The following CDH23 variants were observed in gnomAD, a reference collection of about 807,000 sequenced individuals.
CDH23 encodes the protein cadherin-23.
A neutral mutation model predicts 317.1 loss-of-function variants in CDH23; 189 were observed. The ratio of observed to expected loss-of-function variants is 0.60; its 90% CI spans 0.53 to 0.67. The LOEUF (loss-of-function observed/expected upper bound fraction) is 0.67. CDH23 is among the 30% of genes least tolerant of loss of function. The pLI is 0.00. For missense variants in CDH23, 4,401 were observed against 4,592.4 expected, an observed-to-expected ratio of 0.96 and a Z score of 1.20; for synonymous variants, 1,839 against 1,876.8, an observed-to-expected ratio of 0.98 and a Z score of 0.52.
chr10:71,721,475 A>G (rs918043369), intron 28 of CDH23, among the ~76,000 whole-genome samples: 1 of 152,162 alleles, frequency 6.6e-6, no homozygotes, highest in African/African-American at 2.4e-5. Flanking sequence ...GCTGGTCATC[A>G]TTGTGCCCAG....
At chr10:71,479,018 A>T (rs1425209008) in intron 3 of CDH23, among the ~76,000 whole-genome samples, 1 of 152,130 alleles carries the variant, frequency 6.6e-6, no homozygotes, top group Non-Finnish European at 1.5e-5. Flanking sequence ...CCATTTACCG[A>T]GTGTCCACTT....
At chr10:71,779,928 A>C (rs1376305880) in intron 41 of CDH23, among the ~76,000 whole-genome samples, 5 of 152,194 alleles carry the variant, frequency 3.3e-5, no homozygotes, top group Admixed American at 3.3e-4. Flanking sequence ...CAACTTCTCA[A>C]GTCCATTTTC....
intron 44 of CDH23, among the ~76,000 whole-genome samples, chr10:71,787,750 A>G (rs1841143622): frequency 6.6e-6 from 1 of 152,204 alleles, no homozygotes; most frequent in South Asian, 2.1e-4. Context: ...GTAGTATTCC[A>G]TGGTCTATAT....
At chr10:71,571,729 A>T (rs1400260720) in intron 8 of CDH23, among the ~76,000 whole-genome samples, 1 of 152,252 alleles carries the variant, frequency 6.6e-6, no homozygotes, top group African/African-American at 2.4e-5. Context: ...ATCCCTGGTC[A>T]TTAGCTTAGG....
At chr10:71,627,573 G>T (rs1213635517) in intron 11 of CDH23, among the ~76,000 whole-genome samples, 1 of 152,206 alleles carries the variant, frequency 6.6e-6, no homozygotes, top group Non-Finnish European at 1.5e-5. Context: ...CCCTGGCAGG[G>T]GGTGTGAGGC....
At chr10:71,734,450 G>C in intron 33 of CDH23, 109 bp downstream of exon 33, 1 of 1,483,974 alleles carries the variant, frequency 6.7e-7, no homozygotes, top group East Asian at 2.4e-5. Flanking sequence ...GGCAGCGGGC[G>C]AGGGTCTTGA....
chr10:71,532,776 C>G (rs66775954), intron 6 of CDH23, among the ~76,000 whole-genome samples: 46,696 of 141,210 alleles, frequency 0.33, 8,065 homozygotes, highest in Middle Eastern at 0.53. Context: ...GTCATCCAGG[C>G]TGGAGTGCAG....
chr10:71,464,527 T>C (rs1851155113), intron 3 of CDH23, among the ~76,000 whole-genome samples: 1 of 152,178 alleles, frequency 6.6e-6, no homozygotes, highest in Non-Finnish European at 1.5e-5. Flanking sequence ...AGGGGTCTTC[T>C]GAGGCCCACC....
chr10:71,806,117 G>A, intron 56 of CDH23, 51 bp from the exon 57 acceptor site: 1 of 1,536,568 alleles, frequency 6.5e-7, no homozygotes, highest in Non-Finnish European at 8.8e-7. Flanking sequence ...AAGTCCCCAA[G>A]CCAATCCCCT....
intron 1 of CDH23, among the ~76,000 whole-genome samples, chr10:71,424,801 C>G (rs1242947724): frequency 6.6e-6 from 1 of 152,228 alleles, no homozygotes; most frequent in Non-Finnish European, 1.5e-5. Context: ...CTGCACCACA[C>G]TAGGCTCAAA....
At position 71,811,530 on chromosome 10, in the gene CDH23, C is replaced by T; in HGVS notation, c.9218C>T (p.Ala3073Val). 2.5e-6 allele frequency: 4 copies of T among 1,614,012 alleles called. No homozygotes were observed. Among genetic ancestry groups the T allele is most frequent in the Middle Eastern group, 1.6e-4 (1 of 6,062 alleles). The change falls in exon 64 of 70, where the codon GCT becomes GTT. Residue 3073 changes from alanine to valine, a missense_variant. Around this residue, in one of 3 missense-constraint regions of CDH23, gnomAD observed 1,144 missense variants for 1,138.2 expected, o/e 1.01. Transcript: ENST00000224721. ...CCGCAGATGGCGATCATCGTCCTGGCTATCCTCCTGTTCCTGGCCGCCATG... is the reference window on the plus strand; with the variant it reads ...CCGCAGATGGCGATCATCGTCCTGGTTATCCTCCTGTTCCTGGCCGCCATG... ...SALQMAIIVL[A>V]ILLFLAAMLF... is the part of the protein sequence containing the mutation.
chr10:71,564,409 G>A lies in CDH23; in HGVS notation c.430-2333G>A, dbSNP rs140423494. On this transcript the variant is annotated intron_variant, in intron 6 of 69. Transcript: ENST00000224721. ...AAGTATATGAATGGCTCCTTGCCAG[G>A]CCCATTTAAAACCTTCTCTAAGTTA... Among the ~76,000 whole-genome samples, 1,134 of 152,310 alleles carry A rather than the reference G, an allele frequency of 7.4e-3. 11 individuals carry two copies. Among genetic ancestry groups the A allele is most frequent in the African/African-American group, 0.026 (1,073 of 41,564 alleles).
intron 3 of CDH23, among the ~76,000 whole-genome samples, chr10:71,481,215 G>A (rs1179818328): frequency 2.0e-5 from 3 of 152,124 alleles, no homozygotes; most frequent in Admixed American, 2.0e-4. Context: ...TGTCTGCAGG[G>A]CCCCAGCACA....
intron 6 of CDH23, among the ~76,000 whole-genome samples, chr10:71,558,197 A>G (rs10823783): frequency 0.39 from 59,810 of 151,720 alleles, 12,597 homozygotes; most frequent in East Asian, 0.67. Flanking sequence ...CAGGGGTTTC[A>G]CCATGTTGAC....
At chr10:71,717,130 C>G (rs984722804) in intron 28 of CDH23, 7 of 152,222 alleles carry the variant, frequency 4.6e-5, no homozygotes, top group Non-Finnish European at 1.5e-5. Context: ...AACTGAGGTC[C>G]GAAGAGGGGA....
intron 35 of CDH23, among the ~76,000 whole-genome samples, chr10:71,739,139 G>C (rs1390839679): frequency 6.6e-6 from 1 of 152,212 alleles, no homozygotes; most frequent in Non-Finnish European, 1.5e-5. Flanking sequence ...CATGGTCTAG[G>C]GGGTCGAGGG....
intron 1 of CDH23, among the ~76,000 whole-genome samples, chr10:71,405,253 C>G (rs540451612): frequency 6.6e-6 from 1 of 152,240 alleles, no homozygotes; most frequent in East Asian, 1.9e-4. Context: ...TGTTCCTTCT[C>G]CTGCTCCGAA....
chr10:71,510,678 C>G (rs1022960693), intron 4 of CDH23, among the ~76,000 whole-genome samples: 9 of 152,146 alleles, frequency 5.9e-5, no homozygotes, highest in Admixed American at 5.9e-4. Context: ...TAGTGACTTG[C>G]TCAGTGTCAC....
At chr10:71,800,607 A>G (rs754835834) in intron 52 of CDH23, 29 bp from the exon 53 acceptor site, 3 of 1,609,702 alleles carry the variant, frequency 1.9e-6, no homozygotes, top group Non-Finnish European at 2.5e-6. Flanking sequence ...GAATGATTGA[A>G]GGACCTAAAG....
Sources: allele counts gnomAD v4.1 joint callset (sites outside exome capture counted in the v4.1 genomes callset), GRCh38; gene constraint gnomAD v4.1.1; regional missense constraint gnomAD v4.1.1; transcripts MANE v1.5; gene names NCBI Gene and HGNC (gene_info 2026-07-23, HGNC 2026-07-21).